Variants in FGD5 observed in about 807,000 individuals in gnomAD.
FGD5 encodes FYVE, RhoGEF and PH domain containing 5, also known as FYVE, RhoGEF and PH domain-containing protein 5.
A neutral mutation model predicts 133.4 loss-of-function variants in FGD5; 28 were observed. The ratio of observed to expected loss-of-function variants is 0.21; its 90% CI spans 0.16 to 0.29. FGD5 has a LOEUF of 0.29. Among genes scored for constraint, FGD5 ranks in the 10% least tolerant of loss-of-function variants. FGD5 has a pLI of 1.00. For missense variants in FGD5, 1,858 were observed against 1,895.2 expected, an observed-to-expected ratio of 0.98 and a Z score of 0.36; for synonymous variants, 810 against 776.5, an observed-to-expected ratio of 1.04 and a Z score of -0.72.
chr3:14,907,285 A>G (rs1365618086), intron 9 of FGD5, among the ~76,000 whole-genome samples: 1 of 152,220 alleles, frequency 6.6e-6, no homozygotes, highest in African/African-American at 2.4e-5. Context: ...TTCATGGGCT[A>G]CAAGCCAGGA....
rs767131909 is a variant in FGD5, at chr3:14,932,653, T to C, written c.4274T>C (p.Val1425Ala). ...APEKEEGSSE[V>A]GPIFHLYHKK... ...GAAAAGGAAGAGGGCAGCAGTGAAG[T>C]AGGACCTATTTTTCACCTTTACCAC... Residue 1425 changes from valine to alanine, a missense_variant, in exon 19 of 20, where the codon GTA becomes GCA. Val to Ala is a moderately conservative substitution (Grantham distance 64). Coordinates refer to ENST00000285046, the MANE Select transcript of FGD5 (RefSeq NM_152536.4). 1.2e-6 allele frequency: 2 copies of C among 1,614,042 alleles called. No homozygotes were observed. Among genetic ancestry groups the C allele is most frequent in the Admixed American group, 3.3e-5 (2 of 60,022 alleles).
chr3:14,892,554 A>G (rs190457521), intron 4 of FGD5, among the ~76,000 whole-genome samples: 59 of 152,284 alleles, frequency 3.9e-4, no homozygotes, highest in African/African-American at 1.4e-3. Flanking sequence ...GCGGTGGCTC[A>G]TGCCTGTAAT....
intron 1 of FGD5, among the ~76,000 whole-genome samples, chr3:14,849,099 G>A (rs958474795): frequency 2.0e-5 from 3 of 152,230 alleles, no homozygotes; most frequent in Admixed American, 2.0e-4. Context: ...TCACGTGTCT[G>A]GGTCCAAGTG....
intron 4 of FGD5, among the ~76,000 whole-genome samples, chr3:14,885,143 C>T (rs1168615328): frequency 6.6e-6 from 1 of 151,710 alleles, no homozygotes; most frequent in Non-Finnish European, 1.5e-5. Context: ...CCCACGTTCG[C>T]CCCCTTTGTT....
intron 2 of FGD5, among the ~76,000 whole-genome samples, chr3:14,873,583 C>G (rs2037652030): frequency 6.6e-6 from 1 of 152,152 alleles, no homozygotes; most frequent in Admixed American, 6.5e-5. Flanking sequence ...CTGGCCCTTT[C>G]TTGCCATCAA....
intron 1 of FGD5, 49 bp downstream of exon 1, chr3:14,821,645 G>T: frequency 8.8e-6 from 13 of 1,484,864 alleles, no homozygotes; most frequent in Non-Finnish European, 1.2e-5. Flanking sequence ...TAACTGTCCA[G>T]GAGGCAGCGT....
chr3:14,830,474 CT>C (rs1171790426), intron 1 of FGD5, among the ~76,000 whole-genome samples: 13 of 152,196 alleles, frequency 8.5e-5, no homozygotes, highest in African/African-American at 3.1e-4. Flanking sequence ...TTTTTTTTAC[CT>C]TGCAGAGCTG....
At chr3:14,854,420 T>TTG (rs1559481160) in intron 1 of FGD5, among the ~76,000 whole-genome samples, 42 of 132,702 alleles carry the variant, frequency 3.2e-4, no homozygotes, top group African/African-American at 4.2e-4. Flanking sequence ...TTTATTTATT[T>TTG]ATTTATTTAT....
chr3:14,892,272 A>G (rs2038044660), intron 4 of FGD5, among the ~76,000 whole-genome samples: 1 of 151,534 alleles, frequency 6.6e-6, no homozygotes, highest in Admixed American at 6.6e-5. Context: ...CGCTATCACA[A>G]CTCACTGCAG....
chr3:14,835,331 C>G (rs577883582), intron 1 of FGD5, among the ~76,000 whole-genome samples: 2 of 152,250 alleles, frequency 1.3e-5, no homozygotes, highest in South Asian at 4.1e-4. Context: ...TGCCCCATCT[C>G]TGCTAAAAAT....
At chr3:14,927,238 A>G (rs1444773272) in intron 18 of FGD5, among the ~76,000 whole-genome samples, 5 of 152,230 alleles carry the variant, frequency 3.3e-5, no homozygotes, top group Non-Finnish European at 7.3e-5. Context: ...GCCTGTGTCC[A>G]CAGGTGGGGT....
At chr3:14,878,614 TCTC>T (rs1366089065) in intron 2 of FGD5, among the ~76,000 whole-genome samples, 5 of 152,232 alleles carry the variant, frequency 3.3e-5, no homozygotes, top group African/African-American at 1.2e-4. Context: ...TGGATACTAT[TCTC>T]CTACTGTGCC....
intron 1 of FGD5, among the ~76,000 whole-genome samples, chr3:14,848,455 T>G (rs1260393925): frequency 1.3e-5 from 2 of 152,026 alleles, no homozygotes; most frequent in Non-Finnish European, 2.9e-5. Flanking sequence ...CAGGGCTCAC[T>G]GCCCTCATGG....
At chr3:14,823,107 G>A (rs1343362123) in intron 1 of FGD5, among the ~76,000 whole-genome samples, 1 of 152,176 alleles carries the variant, frequency 6.6e-6, no homozygotes, top group African/African-American at 2.4e-5. Flanking sequence ...GGACTCGTGC[G>A]AGCTGCAAGA....
In FGD5 at chr3:14,835,576, C is replaced by T. The variant is rs755492953; in HGVS notation, c.2525+13980C>T. 6.6e-5 allele frequency among the ~76,000 whole-genome samples: 10 copies of T among 152,246 alleles called. No homozygotes were observed. The South Asian group carries it at 1.2e-3, about 19-fold the overall frequency. ...AGCTCAGGAGGTCGTGAAACCTTAA[C>T]GTAGCCGCCGCATACTTGTGCACTG... On this transcript the variant is annotated intron_variant, in intron 1 of 19. Coordinates refer to ENST00000285046, the MANE Select transcript of FGD5 (RefSeq NM_152536.4).
chr3:14,837,598 C>G (rs191621789), intron 1 of FGD5, among the ~76,000 whole-genome samples: 59 of 152,256 alleles, frequency 3.9e-4, no homozygotes, highest in Non-Finnish European at 6.2e-4. Context: ...AAGCCCAGCT[C>G]TGTGTGGATC....
At chr3:14,812,346 C>G (rs2036307939) in intron 1 of FGD5, among the ~76,000 whole-genome samples, 1 of 152,214 alleles carries the variant, frequency 6.6e-6, no homozygotes. Context: ...CGTGGCTGAA[C>G]AGAGCCAGGC....
At chr3:14,894,876 T>C (rs1417099011) in intron 4 of FGD5, among the ~76,000 whole-genome samples, 1 of 152,120 alleles carries the variant, frequency 6.6e-6, no homozygotes, top group Non-Finnish European at 1.5e-5. Context: ...ACATCTGTTA[T>C]TGCGTGTCTT....
At chr3:14,830,747 A>G (rs2036691265) in intron 1 of FGD5, among the ~76,000 whole-genome samples, 1 of 152,160 alleles carries the variant, frequency 6.6e-6, no homozygotes. Context: ...TCAAATGGGG[A>G]TGAGGCTGTC....
Sources: gnomAD v4.1 joint callset for allele counts (sites outside exome capture counted in the v4.1 genomes callset) on GRCh38, gnomAD v4.1.1 for gene constraint, MANE v1.5 for transcripts, NCBI Gene and HGNC (gene_info 2026-07-23, HGNC 2026-07-21) for gene names.